Variants in FGF14 observed in about 807,000 individuals in gnomAD.
FGF14 encodes the protein fibroblast growth factor homologous factor 4.
A neutral mutation model predicts 25.5 loss-of-function variants in FGF14; 5 were observed. The ratio of observed to expected loss-of-function variants is 0.20; its 90% confidence interval spans 0.10 to 0.41. The LOEUF (loss-of-function observed/expected upper bound fraction) is 0.41. Among genes scored for constraint, FGF14 ranks in the 10% least tolerant of loss-of-function variants. The pLI, the probability that FGF14 is intolerant of heterozygous loss-of-function variation, is 1.00. For synonymous variants in FGF14, 138 were observed against 118.3 expected (o/e 1.17, Z -1.08); for missense variants, 222 against 320.1 (o/e 0.69, Z 2.34).
intron 3 of FGF14, among the ~76,000 whole-genome samples, chr13:101,867,753 G>A (rs2044792152): frequency 6.6e-6 from 1 of 152,042 alleles, no homozygotes; most frequent in South Asian, 2.1e-4. Context: ...AGAATAAGAA[G>A]AGCCAGCACT....
chr13:101,977,901 A>C (rs2038023414), intron 1 of FGF14, among the ~76,000 whole-genome samples: 1 of 151,960 alleles, frequency 6.6e-6, no homozygotes, highest in South Asian at 2.1e-4. Context: ...TATCAGCTAA[A>C]TGGAAACTTC....
At chr13:101,906,514 CT>C (rs969504977) in intron 1 of FGF14, among the ~76,000 whole-genome samples, 1 of 151,988 alleles carries the variant, frequency 6.6e-6, no homozygotes, top group African/African-American at 2.4e-5. Flanking sequence ...ATTTTAAAGG[CT>C]TTTTCAAAAG....
At chr13:102,009,836 T>C (rs2039988184) in intron 1 of FGF14, among the ~76,000 whole-genome samples, 1 of 152,158 alleles carries the variant, frequency 6.6e-6, no homozygotes, top group African/African-American at 2.4e-5. Context: ...TTTCCTCTCC[T>C]TCCCCAACAC....
intron 3 of FGF14, among the ~76,000 whole-genome samples, chr13:101,793,957 G>A (rs1191941736): frequency 6.6e-6 from 1 of 151,930 alleles, no homozygotes; most frequent in Non-Finnish European, 1.5e-5. Flanking sequence ...GAAATATATG[G>A]GAGATAGGTA....
chr13:101,908,746 A>T, intron 1 of FGF14, among the ~76,000 whole-genome samples: 1 of 152,200 alleles, frequency 6.6e-6, no homozygotes, highest in Non-Finnish European at 1.5e-5. Context: ...ACTACTTTAA[A>T]GTTCATGTGG....
At chr13:102,013,845 G>A (rs1467906562) in intron 1 of FGF14, among the ~76,000 whole-genome samples, 1 of 152,060 alleles carries the variant, frequency 6.6e-6, no homozygotes, top group Non-Finnish European at 1.5e-5. Context: ...GATATCTTTG[G>A]GTGGAGAGAT....
intron 1 of FGF14, among the ~76,000 whole-genome samples, chr13:102,388,460 G>A (rs1372872004): frequency 6.6e-6 from 1 of 152,118 alleles, no homozygotes; most frequent in Non-Finnish European, 1.5e-5. Context: ...AAAGTCGATG[G>A]AGGCCACTTT....
chr13:101,804,080 T>C (rs752182947), intron 3 of FGF14, among the ~76,000 whole-genome samples: 16 of 150,888 alleles, frequency 1.1e-4, no homozygotes, highest in Non-Finnish European at 1.5e-4. Context: ...AGAAGGAGCA[T>C]GGGAAGGATG....
chr13:102,164,632 T>A (rs754632788), intron 1 of FGF14, among the ~76,000 whole-genome samples: 6 of 152,088 alleles, frequency 3.9e-5, no homozygotes, highest in African/African-American at 9.7e-5. Context: ...TCCTACATAA[T>A]CTTTGGGACA....
chr13:102,045,390 T>C (rs753638485), intron 1 of FGF14, among the ~76,000 whole-genome samples: 3 of 152,192 alleles, frequency 2.0e-5, no homozygotes, highest in Admixed American at 6.6e-5. Flanking sequence ...ATTAGGTTTT[T>C]AGAATTTCAT....
intron 1 of FGF14, among the ~76,000 whole-genome samples, chr13:102,160,654 CAGAAAACAGA>C (rs772176940): frequency 6.6e-6 from 1 of 152,028 alleles, no homozygotes; most frequent in Non-Finnish European, 1.5e-5. Context: ...ACATGTTCCA[CAGAAAACAGA>C]GGGACTGCCC....
At chr13:102,161,311 A>C (rs929757063) in intron 1 of FGF14, among the ~76,000 whole-genome samples, 24 of 152,132 alleles carry the variant, frequency 1.6e-4, no homozygotes, top group Middle Eastern at 3.4e-3. Context: ...TCCTCCCTCT[A>C]AACAATGAAT....
intron 1 of FGF14, among the ~76,000 whole-genome samples, chr13:101,950,791 C>T (rs1391829117): frequency 7.3e-6 from 1 of 137,442 alleles, no homozygotes; most frequent in Non-Finnish European, 1.5e-5. Flanking sequence ...AGTTTTCAAG[C>T]TAATAGGAGA....
intron 1 of FGF14, among the ~76,000 whole-genome samples, chr13:102,387,055 A>T (rs1458100828): frequency 6.6e-6 from 1 of 152,164 alleles, no homozygotes; most frequent in African/African-American, 2.4e-5. Flanking sequence ...CCCTATAAAT[A>T]CCAGTCTTAT....
At chr13:101,731,516 T>G (rs1347463078) in intron 3 of FGF14, among the ~76,000 whole-genome samples, 2 of 152,216 alleles carry the variant, frequency 1.3e-5, no homozygotes, top group Non-Finnish European at 2.9e-5. Context: ...ATGTTGTGGT[T>G]GTTTTTGAAA....
intron 1 of FGF14, among the ~76,000 whole-genome samples, chr13:101,959,929 G>T (rs2139449738): frequency 6.6e-6 from 1 of 152,262 alleles, no homozygotes; most frequent in Admixed American, 6.5e-5. Flanking sequence ...GTCTAAAACT[G>T]CTCAGTTAAA....
intron 3 of FGF14, among the ~76,000 whole-genome samples, chr13:101,752,379 T>C (rs528969355): frequency 6.6e-6 from 1 of 152,354 alleles, no homozygotes; most frequent in African/African-American, 2.4e-5. Context: ...ATTTTTAACA[T>C]ATTCTATACA....
intron 1 of FGF14, among the ~76,000 whole-genome samples, chr13:101,915,921 CCTCCA>C (rs940377224): frequency 6.6e-6 from 1 of 152,190 alleles, no homozygotes; most frequent in East Asian, 1.9e-4. Flanking sequence ...GTTCACACAC[CCTCCA>C]CTCCTTCTAC....
intron 1 of FGF14, among the ~76,000 whole-genome samples, chr13:102,040,178 G>GTC (rs947047620): frequency 6.6e-6 from 1 of 152,052 alleles, no homozygotes. Flanking sequence ...CTCTAAAAAT[G>GTC]TCTCTCTTGC....
Sources: gnomAD v4.1 joint callset for allele counts (sites outside exome capture counted in the v4.1 genomes callset) on GRCh38, gnomAD v4.1.1 for gene constraint, MANE v1.5 for transcripts, NCBI Gene and HGNC (gene_info 2026-07-23, HGNC 2026-07-21) for gene names.